RELN: variants seen among roughly 807,000 people sequenced by gnomAD.
The protein encoded by RELN is reelin.
Under a neutral mutation model 427.6 loss-of-function variants are expected in RELN, and 108 were observed. That is an observed-to-expected ratio of 0.25 (90% CI 0.22 to 0.30). RELN has a LOEUF of 0.30. Ranked by LOEUF, RELN falls within the 10% of genes least tolerant of loss-of-function variation. The probability of loss-of-function intolerance (pLI) is 1.00; values close to 1 mark genes in which losing one functional copy is unlikely to be tolerated. For synonymous variants in RELN, 1,524 were observed against 1,513.4 expected (o/e 1.01, Z -0.16); for missense variants, 3,715 against 4,302.8 (o/e 0.86, Z 3.82).
intron 4 of RELN, among the ~76,000 whole-genome samples, chr7:103,769,070 C>A (rs902002073): frequency 3.3e-5 from 5 of 152,264 alleles, no homozygotes; most frequent in Admixed American, 6.5e-5. Flanking sequence ...CACCAACTGA[C>A]CTTGAATAAA....
intron 4 of RELN, among the ~76,000 whole-genome samples, chr7:103,769,389 G>A (rs1332365363): frequency 6.6e-6 from 1 of 152,186 alleles, no homozygotes; most frequent in Non-Finnish European, 1.5e-5. Context: ...CTCTTAGGAG[G>A]ATACATCATC....
At chr7:103,607,210 G>C (rs921513960) in intron 22 of RELN, among the ~76,000 whole-genome samples, 1 of 151,934 alleles carries the variant, frequency 6.6e-6, no homozygotes, top group Non-Finnish European at 1.5e-5. Flanking sequence ...AAACCTGCAC[G>C]TTGTGCACAT....
At chr7:103,940,796 G>C (rs879295238) in intron 1 of RELN, among the ~76,000 whole-genome samples, 10 of 152,196 alleles carry the variant, frequency 6.6e-5, no homozygotes, top group Admixed American at 1.3e-4. Context: ...ATTCAGAGAA[G>C]AGATACCTGA....
intron 2 of RELN, among the ~76,000 whole-genome samples, chr7:103,888,266 G>T (rs572380793): frequency 6.6e-6 from 1 of 151,382 alleles, no homozygotes; most frequent in South Asian, 2.1e-4. Context: ...TATATCACCC[G>T]AGAACCTGAA....
chr7:103,833,732 G>A, intron 2 of RELN, 60 bp from the exon 3 acceptor site: 2 of 1,478,148 alleles, frequency 1.4e-6, no homozygotes, highest in South Asian at 2.4e-5. Context: ...TCCTATCATG[G>A]CATCACAGTA....
chr7:103,551,942 T>TGTGC (rs1554376298), intron 40 of RELN, among the ~76,000 whole-genome samples: 6 of 150,474 alleles, frequency 4.0e-5, no homozygotes, highest in African/African-American at 1.2e-4. Flanking sequence ...TGTGTGGGTG[T>TGTGC]GTGTGTGTGT....
rs362665 is a variant in RELN, at chr7:103,594,750, T to C, written c.3540-258A>G. Among the ~76,000 whole-genome samples, 17,433 of 152,220 alleles carry C rather than the reference T, an allele frequency of 0.11. 1,730 individuals carry two copies. Among genetic ancestry groups the C allele is most frequent in the African/African-American group, 0.26 (10,781 of 41,508 alleles). The stretch of plus-strand genomic sequence containing the variant: ...GAATATTTCAACTGAGTTTGATTCA[T>C]TGAACTATATCTTTTGACTACCATG... On this transcript the variant is annotated intron_variant, in intron 25 of 64. Coordinates refer to ENST00000428762, the MANE Select transcript of RELN (RefSeq NM_005045.4).
At chr7:103,816,028 A>G (rs906136061) in intron 3 of RELN, among the ~76,000 whole-genome samples, 1 of 152,200 alleles carries the variant, frequency 6.6e-6, no homozygotes, top group African/African-American at 2.4e-5. Context: ...ATTGCTCTAG[A>G]GTTTTATCTT....
intron 20 of RELN, among the ~76,000 whole-genome samples, chr7:103,625,678 CCCTT>C (rs1171685021): frequency 6.7e-6 from 1 of 149,600 alleles, no homozygotes; most frequent in Non-Finnish European, 1.5e-5. Context: ...CATGTATCCC[CCCTT>C]TTTTTAGAAG....
chr7:103,651,760 C>G lies in RELN; in HGVS notation c.1793G>C (p.Gly598Ala). The G allele has an allele frequency of 6.2e-7, 1 of 1,611,630 alleles. No homozygotes were observed. The highest frequency in any genetic ancestry group is 8.5e-7 in the Non-Finnish European group (1 of 1,178,618). Reference sequence around the variant, plus strand: ...AGTGTGAAGGAGGGACCAGGAGCGCCCATGGTTGGTAGAAAATTCCAAGCT... The same window carrying G: ...AGTGTGAAGGAGGGACCAGGAGCGCGCATGGTTGGTAGAAAATTCCAAGCT... ...SVSLEFSTNHGRSWSLLHTEC... is the reference protein window; with the variant it reads ...SVSLEFSTNHARSWSLLHTEC... Residue 598 changes from glycine (G) to alanine (A), a missense_variant, in exon 15 of 65, where the codon GGG becomes GCG. By Grantham distance (60) the Gly-to-Ala change is moderately conservative (BLOSUM62 0). Coordinates refer to ENST00000428762, the MANE Select transcript of RELN (RefSeq NM_005045.4).
chr7:103,899,235 A>C (rs557299391), intron 2 of RELN, among the ~76,000 whole-genome samples: 7 of 152,222 alleles, frequency 4.6e-5, no homozygotes, highest in African/African-American at 1.4e-4. Flanking sequence ...TCCCAAGACT[A>C]AACCAGGAAG....
At chr7:103,594,742 T>C (rs1831499276) in intron 25 of RELN, among the ~76,000 whole-genome samples, 1 of 152,198 alleles carries the variant, frequency 6.6e-6, no homozygotes, top group African/African-American at 2.4e-5. Context: ...TCAACTGAGT[T>C]TGATTCATTG....
intron 18 of RELN, 50 bp from the exon 19 acceptor site, chr7:103,635,636 T>G (rs766576759): frequency 6.7e-7 from 1 of 1,493,854 alleles, no homozygotes; most frequent in East Asian, 2.3e-5. Flanking sequence ...TTTTTAATCA[T>G]AATGTTCATT....
intron 20 of RELN, among the ~76,000 whole-genome samples, chr7:103,612,620 C>T (rs1222677938): frequency 6.6e-6 from 1 of 152,146 alleles, no homozygotes; most frequent in Non-Finnish European, 1.5e-5. Flanking sequence ...GAAGGAAATT[C>T]ACCAGAATGT....
chr7:103,661,111 G>C (rs1361748275), intron 12 of RELN, among the ~76,000 whole-genome samples: 1 of 152,084 alleles, frequency 6.6e-6, no homozygotes, highest in East Asian at 1.9e-4. Flanking sequence ...CTATGACCAT[G>C]GAGGGAGAGG....
Position 103,561,958 on chromosome 7 carries a change from C to CAAA in RELN, c.5211-6_5211-5insTTT. 1 of 1,018,354 alleles carries CAAA rather than the reference C, an allele frequency of 9.8e-7. No homozygotes were observed. Among genetic ancestry groups the CAAA allele is most frequent in the African/African-American group, 2.5e-5 (1 of 40,638 alleles). 63.1% of individuals were successfully genotyped at this position (1,018,354 alleles called of 1,614,324 possible). A position where few individuals can be genotyped will look rare whatever the true frequency, so the allele number is the denominator to read the frequency against. The stretch of plus-strand genomic sequence containing the variant: ...CTGAACCGGGTCCTGGGAGAACTAA[C>CAAA]CAAAAAAAAAAAAAAAAAAACACAC... On this transcript the variant is annotated splice_region_variant and splice_polypyrimidine_tract_variant and intron_variant, in intron 34 of 64. Transcript: ENST00000428762.
chr7:103,625,657 C>A (rs1289029038), intron 20 of RELN, among the ~76,000 whole-genome samples: 2 of 151,774 alleles, frequency 1.3e-5, no homozygotes, highest in Non-Finnish European at 2.9e-5. Flanking sequence ...CAGATGAAAA[C>A]CTCAGGTTCA....
intron 12 of RELN, among the ~76,000 whole-genome samples, chr7:103,657,101 A>G (rs1183258075): frequency 6.6e-6 from 1 of 152,062 alleles, no homozygotes; most frequent in Non-Finnish European, 1.5e-5. Context: ...TATAATAAAT[A>G]TTTACTGGAT....
At position 103,540,373 on chromosome 7, in the gene RELN, G is replaced by A; in HGVS notation, c.6754C>T (p.Leu2252Phe). ...RSQPVLLQYS[L>F]NGGLSWSLLQ... is the part of the protein sequence containing the mutation. ...AGACTCCACGAGAGGCCACCGTTGA[G>A]AGAATACTGTAGGAGCACGGGTTGA... Residue 2252 changes from leucine (L) to phenylalanine (F), a missense_variant, in exon 44 of 65, where the codon CTC (leucine) becomes TTC (phenylalanine). Leu to Phe is a conservative substitution (Grantham distance 22, BLOSUM62 0). This residue lies in a region of RELN where 1,310 missense variants were observed against 1,643.0 expected (regional missense o/e 0.80). Transcript: ENST00000428762. The A allele has an allele frequency of 6.2e-7, 1 of 1,614,146 alleles. No homozygotes were observed. Among genetic ancestry groups the A allele is most frequent in the Admixed American group, 1.7e-5 (1 of 60,000 alleles).
Sources: gnomAD v4.1 joint callset for allele counts (sites outside exome capture counted in the v4.1 genomes callset) on GRCh38, gnomAD v4.1.1 for gene constraint, gnomAD v4.1.1 regional missense constraint, MANE v1.5 for transcripts, NCBI Gene and HGNC (gene_info 2026-07-23, HGNC 2026-07-21) for gene names.